Variants in TRIM5 observed in about 807,000 individuals in gnomAD.
TRIM5 encodes the protein tripartite motif-containing protein 5.
Under a neutral mutation model 35.6 loss-of-function variants are expected in TRIM5, and 31 were observed. The observed-to-expected ratio is 0.87, with a 90% confidence interval of 0.65 to 1.18. The LOEUF (loss-of-function observed/expected upper bound fraction) is 1.18. Among genes scored for constraint, TRIM5 ranks in the 50% most tolerant of loss-of-function variants. The probability of loss-of-function intolerance (pLI) is 0.00; values close to 1 mark genes in which losing one functional copy is unlikely to be tolerated. For missense variants in TRIM5, 609 were observed against 591.6 expected, an observed-to-expected ratio of 1.03 and a Z score of -0.31; for synonymous variants, 243 against 215.6, an observed-to-expected ratio of 1.13 and a Z score of -1.11.
At chr11:5,605,306 A>C in the TRIM5 span, 1 of 1,613,340 alleles carries the variant, frequency 6.2e-7, no homozygotes. Flanking sequence ...GTGACCGACT[A>C]GCAGCCTCTT....
At chr11:5,610,500 C>G in the TRIM5 span, 1 of 1,614,006 alleles carries the variant, frequency 6.2e-7, no homozygotes, top group Non-Finnish European at 8.5e-7. Flanking sequence ...ACAGTTGGTC[C>G]TATTCAACAT....
intron 4 of TRIM5, among the ~76,000 whole-genome samples, chr11:5,668,097 T>C: frequency 6.6e-6 from 1 of 151,934 alleles, no homozygotes; most frequent in Middle Eastern, 3.2e-3. Context: ...CATGACCGCA[T>C]CTCTACAAAA....
chr11:5,680,067 T>C lies in TRIM5; in HGVS notation c.111A>G (p.Ala37=), dbSNP rs1448430041. Residue 37 remains alanine, a synonymous_variant, in exon 2 of 8, where the codon GCA becomes GCG. Coordinates refer to ENST00000380034, the MANE Select transcript of TRIM5 (RefSeq NM_033034.3). ...ACTTCTTGTGGTTTGCAGTGAGGCA[T>C]GCTTGGCAGAAGCTGTGGCCGCAGT... ...SLDCGHSFCQ[A]CLTANHKKSM... The C allele has an allele frequency of 1.9e-6, 3 of 1,614,204 alleles. No homozygotes were observed. The highest frequency in any genetic ancestry group is 2.7e-5 in the African/African-American group (2 of 75,054).
At chr11:5,632,596 G>T in the TRIM5 span, 2 of 1,613,674 alleles carry the variant, frequency 1.2e-6, no homozygotes, top group Non-Finnish European at 1.7e-6. Context: ...GTTGAGCCCA[G>T]ACAATGGGAA....
At chr11:5,640,915 T>C in the TRIM5 span, among the ~76,000 whole-genome samples, 1,344 of 136,372 alleles carry the variant, frequency 9.9e-3, 11 homozygotes, top group Non-Finnish European at 0.015. Context: ...TCATTAAGAT[T>C]ATCTAATTTG....
the TRIM5 span, among the ~76,000 whole-genome samples, chr11:5,615,960 T>C: frequency 7.3e-6 from 1 of 136,316 alleles, no homozygotes; most frequent in Non-Finnish European, 1.5e-5. Flanking sequence ...TGAGACGGAG[T>C]CTCGCTCTGT....
the TRIM5 span, among the ~76,000 whole-genome samples, chr11:5,622,452 AAAAAAAG>A: frequency 6.9e-6 from 1 of 144,686 alleles, no homozygotes; most frequent in South Asian, 2.3e-4. Flanking sequence ...CTCAAAAAAA[AAAAAAAG>A]AAAAAAAGAA....
the TRIM5 span, among the ~76,000 whole-genome samples, chr11:5,640,429 A>G: frequency 6.6e-6 from 1 of 151,904 alleles, no homozygotes; most frequent in Non-Finnish European, 1.5e-5. Flanking sequence ...AATATGGTAT[A>G]TTACATCAAT....
chr11:5,670,247 A>C (rs548745401), intron 4 of TRIM5, among the ~76,000 whole-genome samples: 1 of 128,708 alleles, frequency 7.8e-6, no homozygotes, highest in Non-Finnish European at 1.5e-5. Context: ...GTGCGATCTC[A>C]GCTCACTGCA....
chr11:5,635,421 A>AT, the TRIM5 span, among the ~76,000 whole-genome samples: 25 of 151,522 alleles, frequency 1.6e-4, no homozygotes, highest in African/African-American at 5.8e-4. Flanking sequence ...CGTCTGGCTA[A>AT]TTTTTTTTGT....
the TRIM5 span, among the ~76,000 whole-genome samples, chr11:5,646,276 A>T: frequency 6.6e-6 from 1 of 152,006 alleles, no homozygotes; most frequent in Non-Finnish European, 1.5e-5. Context: ...CATAATATTG[A>T]CTATATGCAA....
chr11:5,606,477 G>A, the TRIM5 span, among the ~76,000 whole-genome samples: 3 of 151,826 alleles, frequency 2.0e-5, no homozygotes, highest in South Asian at 2.1e-4. Context: ...GTTTGTCTTC[G>A]TGCTTTCCTC....
the TRIM5 span, chr11:5,604,726 T>C: frequency 1.1e-5 from 15 of 1,305,248 alleles, no homozygotes; most frequent in Non-Finnish European, 1.6e-5. Flanking sequence ...TGTCCTCTGA[T>C]GCCATGACTA....
the TRIM5 span, among the ~76,000 whole-genome samples, chr11:5,629,793 T>C: frequency 2.8e-4 from 42 of 152,268 alleles, no homozygotes; most frequent in African/African-American, 6.7e-4. Flanking sequence ...CTGGAAGCTC[T>C]GCCTCCCGGG....
Position 5,680,072 on chromosome 11 carries a change from G to A in TRIM5, c.106C>T (p.Gln36Ter), listed in dbSNP as rs763421664. 2 of 1,614,100 alleles carry A rather than the reference G, an allele frequency of 1.2e-6. No individual in the cohort carries two copies. Among genetic ancestry groups the A allele is most frequent in the East Asian group, 2.2e-5 (1 of 44,864 alleles). The change falls in exon 2 of 8, where the codon CAA becomes TAA. Residue 36 changes from glutamine (Q) to a stop codon, truncating the protein, a stop_gained. Coordinates refer to ENST00000380034, the MANE Select transcript of TRIM5 (RefSeq NM_033034.3). LOFTEE classifies it high-confidence loss of function. ...TTGTGGTTTGCAGTGAGGCATGCTT[G>A]GCAGAAGCTGTGGCCGCAGTCCAGG... ...LSLDCGHSFCQACLTANHKKS... is the reference protein window; with the variant it reads ...LSLDCGHSFC
chr11:5,632,888 G>A, the TRIM5 span: 26 of 1,240,190 alleles, frequency 2.1e-5, no homozygotes, highest in South Asian at 3.9e-5. Flanking sequence ...GTGCAGTGGC[G>A]TGCTCTCGGC....
intron 4 of TRIM5, among the ~76,000 whole-genome samples, chr11:5,668,115 TA>T (rs1281586310): frequency 6.6e-6 from 1 of 151,210 alleles, no homozygotes; most frequent in Non-Finnish European, 1.5e-5. Context: ...AAAAATAAAA[TA>T]AAAAAAAATT....
chr11:5,602,718 C>G, the TRIM5 span, among the ~76,000 whole-genome samples: 1 of 151,666 alleles, frequency 6.6e-6, no homozygotes, highest in Admixed American at 6.6e-5. Context: ...CTGTGAGAGG[C>G]CAAGGCAGGA....
At chr11:5,596,543 T>TTCCCCTC in the TRIM5 span, 2 of 24,650 alleles carry the variant, frequency 8.1e-5, no homozygotes, top group Non-Finnish European at 1.5e-4. Flanking sequence ...CCTTCCCCCT[T>TTCCCCTC]CCCCCTTCCC....
Sources: gnomAD v4.1 joint callset for allele counts (sites outside exome capture counted in the v4.1 genomes callset) on GRCh38, gnomAD v4.1.1 for gene constraint, MANE v1.5 for transcripts, NCBI Gene and HGNC (gene_info 2026-07-23, HGNC 2026-07-21) for gene names.